The following RUNX1T1 variants were observed in gnomAD, a reference collection of about 807,000 sequenced individuals.
RUNX1T1 encodes the protein protein CBFA2T1.
A neutral mutation model predicts 62.8 loss-of-function variants in RUNX1T1; 4 were observed. The observed-to-expected ratio is 0.06, with a 90% CI of 0.03 to 0.15. RUNX1T1 has a LOEUF of 0.15. RUNX1T1 is among the 10% of genes least tolerant of loss of function. The pLI is 1.00. For synonymous variants in RUNX1T1, 291 were observed against 286.0 expected (o/e 1.02, Z -0.18); for missense variants, 508 against 754.3 (o/e 0.67, Z 3.82).
chr8:92,028,950 TAAC>T (rs1208512727), intron 1 of RUNX1T1, among the ~76,000 whole-genome samples: 1 of 152,202 alleles, frequency 6.6e-6, no homozygotes, highest in Non-Finnish European at 1.5e-5. Context: ...ATTACTCTAA[TAAC>T]ATTTGTCTTA....
In RUNX1T1 at chr8:92,026,764, G is replaced by A. The variant is rs570237295; in HGVS notation, c.8-9401C>T. 7.3e-5 allele frequency among the ~76,000 whole-genome samples: 11 copies of A among 151,714 alleles called. No individual in the cohort carries two copies. In the South Asian group the frequency reaches 2.3e-3, roughly 32 times the overall value. ...GTAAACCCGTGAGGTGGAGCTTGCAGTTAGCCAAGATCGTGCCACTGCACT... is the reference window on the plus strand; with the variant it reads ...GTAAACCCGTGAGGTGGAGCTTGCAATTAGCCAAGATCGTGCCACTGCACT... On this transcript the variant is annotated intron_variant, in intron 1 of 10. Transcript: ENST00000396218.
chr8:91,990,648 T>A (rs1817482894), intron 6 of RUNX1T1, among the ~76,000 whole-genome samples: 6 of 151,698 alleles, frequency 4.0e-5, no homozygotes, highest in Admixed American at 3.9e-4. Flanking sequence ...TTTACTACTT[T>A]TTTTTTTTTT....
intron 1 of RUNX1T1, among the ~76,000 whole-genome samples, chr8:92,089,925 TA>T (rs36052605): frequency 0.58 from 46,536 of 80,228 alleles, 12,781 homozygotes; most frequent in East Asian, 0.87. Context: ...TCCCTGAATT[TA>T]AAAAAAAAAA....
chr8:91,987,653 T>C (rs973353113), intron 6 of RUNX1T1, among the ~76,000 whole-genome samples: 2 of 152,146 alleles, frequency 1.3e-5, no homozygotes, highest in African/African-American at 4.8e-5. Flanking sequence ...AAAATCCTAA[T>C]TTGAAGTCCA....
At chr8:91,983,624 C>T (rs1049998640) in intron 8 of RUNX1T1, among the ~76,000 whole-genome samples, 3 of 152,120 alleles carry the variant, frequency 2.0e-5, no homozygotes, top group Non-Finnish European at 4.4e-5. Flanking sequence ...AAGATATAGA[C>T]ATATCCATAT....
At chr8:92,017,522 T>C (rs1204373082) in intron 1 of RUNX1T1, 159 bp from the exon 3 acceptor site, 2 of 1,517,568 alleles carry the variant, frequency 1.3e-6, no homozygotes, top group South Asian at 1.3e-5. Context: ...GATTTTATCA[T>C]CCAAACCCCA....
chr8:92,023,195 T>C (rs1169127630), intron 1 of RUNX1T1, among the ~76,000 whole-genome samples: 2 of 152,228 alleles, frequency 1.3e-5, no homozygotes, highest in Non-Finnish European at 2.9e-5. Flanking sequence ...TAATAGGCAC[T>C]ATTTTATCTG....
At chr8:92,046,028 C>T (rs1829334392) in intron 1 of RUNX1T1, among the ~76,000 whole-genome samples, 2 of 152,032 alleles carry the variant, frequency 1.3e-5, no homozygotes, top group Admixed American at 6.6e-5. Flanking sequence ...ACTGAACATG[C>T]CTGTATTACA....
rs1299406335 is a variant in RUNX1T1 at position 92,003,429 on chromosome 8, T to C, written c.659+1687A>G. 1.4e-4 allele frequency: 63 copies of C among 455,094 alleles called. 1 individual carries two copies. The highest frequency in any genetic ancestry group is 2.2e-4 in the Non-Finnish European group (50 of 226,588). The allele number at this position is 455,094 out of a possible 1,614,324, so 28.2% of individuals were successfully genotyped here. ...AAACAGATTTTCATATTCCCTGTTA[T>C]GGTTATTTAGCAGTTCAGAATGCCA... On this transcript the variant is annotated intron_variant, in intron 5 of 10. Transcript: ENST00000396218.
chr8:92,067,646 A>C (rs559265885), upstream of RUNX1T1, among the ~76,000 whole-genome samples: 55 of 152,308 alleles, frequency 3.6e-4, no homozygotes, highest in Admixed American at 3.4e-3. Context: ...TTGACTTTTA[A>C]CTCTGGTTGA....
upstream of RUNX1T1, among the ~76,000 whole-genome samples, chr8:92,064,831 A>G (rs1435922814): frequency 1.3e-5 from 2 of 152,180 alleles, no homozygotes; most frequent in African/African-American, 4.8e-5. Flanking sequence ...AGCTCAGACA[A>G]TTGAACTTCC....
At chr8:92,036,341 C>T (rs1304377658) in intron 1 of RUNX1T1, among the ~76,000 whole-genome samples, 1 of 152,180 alleles carries the variant, frequency 6.6e-6, no homozygotes, top group Non-Finnish European at 1.5e-5. Context: ...AAAGTGTTCT[C>T]AATTTTCTAA....
intron 5 of RUNX1T1, among the ~76,000 whole-genome samples, chr8:92,000,333 T>C (rs564899344): frequency 6.6e-6 from 1 of 152,152 alleles, no homozygotes; most frequent in South Asian, 2.1e-4. Flanking sequence ...TAAATAAATG[T>C]AATTTTGTGC....
intron 8 of RUNX1T1, among the ~76,000 whole-genome samples, chr8:91,976,396 G>A (rs1000591708): frequency 6.6e-6 from 1 of 152,164 alleles, no homozygotes; most frequent in African/African-American, 2.4e-5. Context: ...ACAGAGCTCT[G>A]ATTCTGCCAC....
At chr8:92,077,855 G>A (rs935013595) in intron 1 of RUNX1T1, among the ~76,000 whole-genome samples, 1 of 151,976 alleles carries the variant, frequency 6.6e-6, no homozygotes, top group South Asian at 2.1e-4. Flanking sequence ...AACAAAAATG[G>A]GGTACTTAAT....
At chr8:92,033,791 G>A (rs755772706) in intron 1 of RUNX1T1, among the ~76,000 whole-genome samples, 3 of 152,072 alleles carry the variant, frequency 2.0e-5, no homozygotes, top group Non-Finnish European at 4.4e-5. Context: ...CCAATATGGT[G>A]AAACCCCGTC....
At chr8:92,027,115 CAAAAAA>C (rs71563484) in intron 1 of RUNX1T1, among the ~76,000 whole-genome samples, 21 of 74,198 alleles carry the variant, frequency 2.8e-4, no homozygotes, top group African/African-American at 1.3e-3. Flanking sequence ...AACTCCGTCT[CAAAAAA>C]AAAAAAAAAA....
chr8:92,015,932 T>A (rs1450522129), intron 2 of RUNX1T1, among the ~76,000 whole-genome samples: 1 of 152,172 alleles, frequency 6.6e-6, no homozygotes, highest in Non-Finnish European at 1.5e-5. Context: ...AAATATAAGA[T>A]GACACGGTTA....
exon 3 of RUNX1T1, chr8:92,014,591 A>G (rs1822635659): frequency 1.2e-6 from 2 of 1,606,228 alleles, no homozygotes; most frequent in East Asian, 4.5e-5. Context: ...CTAGTCCCAG[A>G]ACGAGGGTGC....
Sources: allele counts gnomAD v4.1 joint callset (sites outside exome capture counted in the v4.1 genomes callset), GRCh38; gene constraint gnomAD v4.1.1; transcripts MANE v1.5; gene names NCBI Gene and HGNC (gene_info 2026-07-23, HGNC 2026-07-21).